The following MTTP variants were observed in gnomAD, a reference collection of about 807,000 sequenced individuals.
The protein encoded by MTTP is microsomal triglyceride transfer protein.
Under a neutral mutation model 90.6 loss-of-function variants are expected in MTTP, and 49 were observed. The observed-to-expected ratio is 0.54, with a 90% CI of 0.43 to 0.69. The LOEUF (loss-of-function observed/expected upper bound fraction) is 0.69, where lower values mean the gene tolerates loss of function less well. Among genes scored for constraint, MTTP ranks in the 30% least tolerant of loss-of-function variants. The pLI, the probability that MTTP is intolerant of heterozygous loss-of-function variation, is 0.00. For synonymous variants in MTTP, 347 were observed against 384.2 expected, an observed-to-expected ratio of 0.90 and a Z score of 1.13; for missense variants, 945 against 1,067.5, an observed-to-expected ratio of 0.89 and a Z score of 1.60.
In MTTP at chr4:99,608,933, G is replaced by T; in HGVS notation, c.1725G>T (p.Met575Ile). Residue 575 changes from methionine (M) to isoleucine (I), a missense_variant, in exon 12 of 18, where the codon ATG becomes ATT. Coordinates refer to ENST00000265517, the MANE Select transcript of MTTP (RefSeq NM_001386140.1). Reference sequence around the variant, plus strand: ...TTCCCCAAGAAATGAATAAATACATGCTCGCCATTGTTCAAGACATCCTAC... The same window carrying T: ...TTCCCCAAGAAATGAATAAATACATTCTCGCCATTGTTCAAGACATCCTAC... ...GELPQEMNKY[M>I]LAIVQDILRF... The T allele has an allele frequency of 1.2e-6, 2 of 1,614,074 alleles. No individual in the cohort carries two copies. The highest frequency in any genetic ancestry group is 1.7e-6 in the Non-Finnish European group (2 of 1,180,014).
At chr4:99,620,999 G>C (rs1400409767) in intron 16 of MTTP, 62 bp from the exon 17 acceptor site, 1 of 1,488,690 alleles carries the variant, frequency 6.7e-7, no homozygotes. Context: ...AGTTACAGCT[G>C]TTAGTCCAAT....
chr4:99,595,552 C>A (rs1488240770), intron 7 of MTTP: 1 of 155,936 alleles, frequency 6.4e-6, no homozygotes, highest in African/African-American at 2.4e-5. Flanking sequence ...TGGCTTCATG[C>A]TCTGTGTGTA....
chr4:99,564,187 G>T (rs1724597300), exon 1 of MTTP: 2 of 1,535,354 alleles, frequency 1.3e-6, no homozygotes, highest in South Asian at 1.2e-5. Context: ...GTTTTTTCCC[G>T]TTCAAGAATT....
At chr4:99,584,871 C>T (rs1019837031) in intron 3 of MTTP, among the ~76,000 whole-genome samples, 1 of 152,098 alleles carries the variant, frequency 6.6e-6, no homozygotes, top group African/African-American at 2.4e-5. Context: ...TCCCTCCTTC[C>T]CCAAAGCACC....
At chr4:99,598,170 G>A (rs1446594477) in intron 8 of MTTP, among the ~76,000 whole-genome samples, 1 of 152,178 alleles carries the variant, frequency 6.6e-6, no homozygotes, top group East Asian at 1.9e-4. Flanking sequence ...ACTAATCAAA[G>A]TTGGTTATTC....
At chr4:99,601,309 C>G (rs568352309) in intron 9 of MTTP, among the ~76,000 whole-genome samples, 33 of 143,636 alleles carry the variant, frequency 2.3e-4, no homozygotes, top group African/African-American at 7.3e-4. Context: ...AATTTTATAA[C>G]CCTCACCCCT....
At position 99,581,979 on chromosome 4, in the gene MTTP, C is replaced by G. The variant is rs141736123; in HGVS notation, c.136C>G (p.Arg46Gly). 0.017 allele frequency: 27,807 copies of G among 1,614,112 alleles called. 344 individuals are homozygous for G. The highest frequency in any genetic ancestry group is 0.039 in the South Asian group (3,569 of 91,074). The change falls in exon 2 of 18, where the codon CGG becomes GGG. Residue 46 changes from arginine to glycine, a missense_variant. By Grantham distance (125) the Arg-to-Gly change is moderately radical. Transcript: ENST00000265517. Reference protein sequence around the residue: ...LTYSTEVLLDRGKGKLQDSVG... With the variant: ...LTYSTEVLLDGGKGKLQDSVG... ...GTACTCCACTGAAGTTCTTCTTGAT[C>G]GGGGCAAAGGAAAACTGCAAGACAG... is the stretch of plus-strand genomic sequence containing the variant.
In MTTP at chr4:99,601,665, C is replaced by G. The variant is rs376636131; in HGVS notation, c.1295C>G (p.Thr432Ser). ...ATCAGAGAAACTGTTATGATCATCACTGGGACACTTGTCAGAAAGTTGTGT... is the reference window on the plus strand; with the variant it reads ...ATCAGAGAAACTGTTATGATCATCAGTGGGACACTTGTCAGAAAGTTGTGT... ...SDIRETVMII[T>S]GTLVRKLCQN... The change falls in exon 10 of 18, where the codon ACT becomes AGT. Residue 432 changes from threonine (T) to serine (S), a missense_variant. By Grantham distance (58) the Thr-to-Ser change is moderately conservative (BLOSUM62 1). Coordinates refer to ENST00000265517, the MANE Select transcript of MTTP (RefSeq NM_001386140.1). The G allele has an allele frequency of 6.6e-5, 107 of 1,612,964 alleles. No individual in the cohort carries two copies. The highest frequency in any genetic ancestry group is 8.7e-5 in the Non-Finnish European group (103 of 1,179,306).
At chr4:99,613,423 C>T (rs1726012330) in intron 15 of MTTP, among the ~76,000 whole-genome samples, 1 of 152,110 alleles carries the variant, frequency 6.6e-6, no homozygotes, top group Admixed American at 6.6e-5. Context: ...ATAGAGCTAC[C>T]ACTGTCTCCT....
chr4:99,577,864 A>G (rs1725007533), intron 1 of MTTP, among the ~76,000 whole-genome samples: 1 of 151,884 alleles, frequency 6.6e-6, no homozygotes. Context: ...TAATTTTGTC[A>G]CCTTTAAACC....
intron 9 of MTTP, 25 bp from the exon 10 acceptor site, chr4:99,601,582 T>C (rs1725699338): frequency 1.4e-6 from 2 of 1,475,306 alleles, no homozygotes; most frequent in Non-Finnish European, 1.9e-6. Context: ...CTTGGTAACC[T>C]ATTTTATCCC....
chr4:99,589,559 A>G (rs2110216954), intron 3 of MTTP, 84 bp from the exon 4 acceptor site: 1 of 804,764 alleles, frequency 1.2e-6, no homozygotes, highest in Non-Finnish European at 2.2e-6. Flanking sequence ...ACAGGTAAGA[A>G]TCTGACCTTG....
chr4:99,614,051 T>C (rs1726030072), intron 15 of MTTP, among the ~76,000 whole-genome samples: 1 of 152,232 alleles, frequency 6.6e-6, no homozygotes, highest in South Asian at 2.1e-4. Context: ...TTCATACTTA[T>C]TATATTGAGA....
chr4:99,589,731 G>T lies in MTTP; in HGVS notation c.482G>T (p.Ser161Ile). 1 of 1,591,954 alleles carries T rather than the reference G, an allele frequency of 6.3e-7. No individual in the cohort carries two copies. The highest frequency in any genetic ancestry group is 8.6e-7 in the Non-Finnish European group (1 of 1,160,696). The change falls in exon 4 of 18, where the codon AGC (serine) becomes ATC (isoleucine). Residue 161 changes from serine to isoleucine, a missense_variant. Coordinates refer to ENST00000265517, the MANE Select transcript of MTTP (RefSeq NM_001386140.1). ...GCTAGCCTATTTCAGACACAGTTAA[G>T]CTCTGGAACCACCAATGAGGTACTT... ...GLASLFQTQLSSGTTNEVDIS... is the reference protein window; with the variant it reads ...GLASLFQTQLISGTTNEVDIS...
At chr4:99,596,244 A>G (rs1160864387) in intron 7 of MTTP, among the ~76,000 whole-genome samples, 1 of 152,168 alleles carries the variant, frequency 6.6e-6, no homozygotes, top group Non-Finnish European at 1.5e-5. Flanking sequence ...AACTGGCAGC[A>G]AGTTATTACT....
At chr4:99,585,266 C>T (rs1725229937) in intron 3 of MTTP, among the ~76,000 whole-genome samples, 1 of 151,988 alleles carries the variant, frequency 6.6e-6, no homozygotes, top group South Asian at 2.1e-4. Context: ...TGTAATGGCC[C>T]TGAGCAGTAA....
chr4:99,582,652 T>C (rs1053382244), intron 2 of MTTP, among the ~76,000 whole-genome samples: 10 of 152,304 alleles, frequency 6.6e-5, no homozygotes, highest in African/African-American at 2.2e-4. Context: ...TTTCCAATTG[T>C]AATATATGGT....
chr4:99,605,161 G>A (rs919257156), intron 10 of MTTP, among the ~76,000 whole-genome samples: 1 of 151,990 alleles, frequency 6.6e-6, no homozygotes, highest in Admixed American at 6.6e-5. Flanking sequence ...TGTTTTAAAA[G>A]TATTAACAGA....
rs747402400 is a variant in MTTP at position 99,612,893 on chromosome 4, A to ATTT, written c.1990-18_1990-17insTTT. On this transcript the variant is annotated intron_variant, in intron 14 of 17. Coordinates refer to ENST00000265517, the MANE Select transcript of MTTP (RefSeq NM_001386140.1). Reference sequence around the variant, plus strand: ...CAGGCAGGGAGCTTGCGTCATGAACATTATATTGATTTTATCCAGGTGGTT... The same window carrying ATTT: ...CAGGCAGGGAGCTTGCGTCATGAACATTTTTATATTGATTTTATCCAGGTGGTT... 35 of 1,604,350 alleles carry ATTT rather than the reference A, an allele frequency of 2.2e-5. No individual in the cohort carries two copies. The highest frequency in any genetic ancestry group is 6.0e-6 in the Non-Finnish European group (7 of 1,171,536).
Sources: gnomAD v4.1 joint callset for allele counts (sites outside exome capture counted in the v4.1 genomes callset) on GRCh38, gnomAD v4.1.1 for gene constraint, MANE v1.5 for transcripts, NCBI Gene and HGNC (gene_info 2026-07-23, HGNC 2026-07-21) for gene names.